Variants in TMEM135 observed in about 807,000 individuals in gnomAD.
The protein encoded by TMEM135 is transmembrane protein 135, also known as peroxisomal membrane protein 52.
TMEM135 carries 30 observed loss-of-function variants against 60.3 expected under a neutral mutation model. The observed-to-expected ratio is 0.50, with a 90% CI of 0.37 to 0.68. The LOEUF (loss-of-function observed/expected upper bound fraction) is 0.68. Ranked by LOEUF, TMEM135 falls within the 30% of genes least tolerant of loss-of-function variation. TMEM135 has a pLI of 0.00. For missense variants in TMEM135, 468 were observed against 548.8 expected (o/e 0.85, Z 1.47); for synonymous variants, 190 against 186.7 (o/e 1.02, Z -0.14).
Position 87,056,199 on chromosome 11 carries a change from G to A in TMEM135, c.142-11495G>A, listed in dbSNP as rs141346543. 4.3e-3 allele frequency among the ~76,000 whole-genome samples: 655 copies of A among 152,296 alleles called. 7 individuals are homozygous for A. The highest frequency in any genetic ancestry group is 0.015 in the African/African-American group (627 of 41,556). On this transcript the variant is annotated intron_variant, in intron 1 of 14. Coordinates refer to ENST00000305494, the MANE Select transcript of TMEM135 (RefSeq NM_022918.4). ...GATATCTGGCCACTACCAAGTCTGGGTCTGTTTTAGTAAACGTTATTAATT... is the reference window on the plus strand; with the variant it reads ...GATATCTGGCCACTACCAAGTCTGGATCTGTTTTAGTAAACGTTATTAATT...
intron 5 of TMEM135, among the ~76,000 whole-genome samples, chr11:87,227,939 C>T (rs1292662177): frequency 6.6e-6 from 1 of 152,112 alleles, no homozygotes; most frequent in South Asian, 2.1e-4. Flanking sequence ...CTCTTATTAT[C>T]AATAACGTAT....
chr11:87,183,817 G>T (rs1477051716), intron 5 of TMEM135, among the ~76,000 whole-genome samples: 1 of 151,940 alleles, frequency 6.6e-6, no homozygotes, highest in African/African-American at 2.4e-5. Context: ...TTAGCTGGGC[G>T]TGGTGGCGGG....
In TMEM135 at chr11:87,326,313, A is replaced by G. The variant is rs1412051706; in HGVS notation, c.*4980A>G. The G allele has an allele frequency of 2.2e-6, 1 of 453,920 alleles. No homozygotes were observed. Among genetic ancestry groups the G allele is most frequent in the African/African-American group, 2.0e-5 (1 of 49,982 alleles). The allele number at this position is 453,920 out of a possible 1,614,324, so 28.1% of individuals were successfully genotyped here. ...AGGCTTCCATAAAGTAGACCTGTAG[A>G]CCTATGTTGGCTGAGGTCACCCTGC... On this transcript the variant is annotated 3_prime_UTR_variant, in exon 15 of 15. Coordinates refer to ENST00000305494, the MANE Select transcript of TMEM135 (RefSeq NM_022918.4).
At chr11:87,053,875 A>G (rs1435649777) in intron 1 of TMEM135, among the ~76,000 whole-genome samples, 1 of 152,134 alleles carries the variant, frequency 6.6e-6, no homozygotes, top group Non-Finnish European at 1.5e-5. Flanking sequence ...CTACTCATTG[A>G]TATGCTCTTA....
At chr11:87,187,912 A>T (rs529817460) in intron 5 of TMEM135, among the ~76,000 whole-genome samples, 1 of 152,198 alleles carries the variant, frequency 6.6e-6, no homozygotes, top group African/African-American at 2.4e-5. Context: ...AGTCTTTCAA[A>T]ATTAAATCTT....
chr11:87,317,562 T>A (rs962892947), intron 12 of TMEM135, among the ~76,000 whole-genome samples: 9 of 152,128 alleles, frequency 5.9e-5, no homozygotes, highest in Admixed American at 2.0e-4. Flanking sequence ...TGGTAGCTTA[T>A]ATAGATCTTG....
rs1011258140 is a variant in TMEM135 at position 87,245,910 on chromosome 11, A to C, written c.509+9226A>C. On this transcript the variant is annotated intron_variant, in intron 6 of 14. Coordinates refer to ENST00000305494, the MANE Select transcript of TMEM135 (RefSeq NM_022918.4). ...CCTGTCATTATGATGTTAGCTGGTTATTTTGCTCGTTAGTTGTTGCAATTT... is the reference window on the plus strand; with the variant it reads ...CCTGTCATTATGATGTTAGCTGGTTCTTTTGCTCGTTAGTTGTTGCAATTT... 8.7e-5 allele frequency among the ~76,000 whole-genome samples: 7 copies of C among 80,794 alleles called. 2 individuals are homozygous for C. The East Asian group carries it at 1.1e-3, about 13-fold the overall frequency. 53.0% of individuals were successfully genotyped at this position (80,794 alleles called of 152,430 possible). A position where few individuals can be genotyped will look rare whatever the true frequency, so the allele number is the denominator to read the frequency against.
At chr11:87,089,561 A>G (rs1427278349) in intron 3 of TMEM135, among the ~76,000 whole-genome samples, 1 of 124,884 alleles carries the variant, frequency 8.0e-6, no homozygotes, top group Non-Finnish European at 1.8e-5. Flanking sequence ...AAAGAAAAAG[A>G]AAAAAAAATT....
intron 5 of TMEM135, among the ~76,000 whole-genome samples, chr11:87,192,089 C>T (rs1186491039): frequency 6.8e-6 from 1 of 146,938 alleles, no homozygotes; most frequent in African/African-American, 2.5e-5. Flanking sequence ...TCAAGCGATC[C>T]CCCTGCCTCA....
chr11:87,160,758 AG>A (rs1938848475), intron 5 of TMEM135, among the ~76,000 whole-genome samples: 1 of 152,234 alleles, frequency 6.6e-6, no homozygotes, highest in African/African-American at 2.4e-5. Flanking sequence ...TAAAATGAAT[AG>A]GAAAAAAATA....
intron 1 of TMEM135, among the ~76,000 whole-genome samples, chr11:87,060,410 T>A (rs12289216): frequency 0.15 from 22,351 of 152,154 alleles, 1,744 homozygotes; most frequent in Non-Finnish European, 0.17. Context: ...AGTTTCCCTA[T>A]GTTTTTGTGT....
In TMEM135 at chr11:87,038,175, C is replaced by T. The variant is rs981325152; in HGVS notation, c.130C>T (p.Pro44Ser). The change falls in exon 1 of 15, where the codon CCT becomes TCT. Residue 44 changes from proline (P) to serine (S), a missense_variant. Coordinates refer to ENST00000305494, the MANE Select transcript of TMEM135 (RefSeq NM_022918.4). ...ALEESLKIYA[P>S]LYLIAAILRK... ...GGAGGAGTCCCTGAAGATCTATGCT[C>T]CTCTGTACTTGGTGAGACCCGTCAC... 1.9e-6 allele frequency: 3 copies of T among 1,614,094 alleles called. No individual in the cohort carries two copies. The highest frequency in any genetic ancestry group is 2.5e-6 in the Non-Finnish European group (3 of 1,180,022).
intron 12 of TMEM135, 40 bp from the exon 13 acceptor site, chr11:87,318,097 G>C (rs1942761937): frequency 6.5e-7 from 1 of 1,528,220 alleles, no homozygotes; most frequent in African/African-American, 1.4e-5. Context: ...TAATGCTGAG[G>C]TTTTTTCTTT....
At chr11:87,089,803 G>T (rs1857168802) in intron 3 of TMEM135, among the ~76,000 whole-genome samples, 1 of 151,828 alleles carries the variant, frequency 6.6e-6, no homozygotes, top group African/African-American at 2.4e-5. Flanking sequence ...TTTAGAATTT[G>T]GTGGGAACTA....
At chr11:87,248,493 A>G (rs1941341523) in intron 6 of TMEM135, among the ~76,000 whole-genome samples, 2 of 152,252 alleles carry the variant, frequency 1.3e-5, no homozygotes, top group Admixed American at 1.3e-4. Context: ...TGCCATTTGT[A>G]TGTCTTCTTT....
chr11:87,097,836 G>A (rs1857365641), intron 4 of TMEM135, among the ~76,000 whole-genome samples: 1 of 152,142 alleles, frequency 6.6e-6, no homozygotes, highest in Admixed American at 6.6e-5. Context: ...ACTGTTGTGA[G>A]GCCTTCCACA....
At chr11:87,133,101 G>T (rs1350325647) in intron 4 of TMEM135, among the ~76,000 whole-genome samples, 1 of 152,188 alleles carries the variant, frequency 6.6e-6, no homozygotes. Flanking sequence ...ATCCTGAGGT[G>T]AGAGGGGGCA....
At chr11:87,064,703 C>T (rs187747770) in intron 1 of TMEM135, among the ~76,000 whole-genome samples, 51 of 152,194 alleles carry the variant, frequency 3.4e-4, no homozygotes, top group African/African-American at 1.1e-3. Flanking sequence ...ACCAACATGG[C>T]GAAGCCCCAT....
At chr11:87,255,582 G>A (rs1357507395) in intron 6 of TMEM135, among the ~76,000 whole-genome samples, 1 of 152,074 alleles carries the variant, frequency 6.6e-6, no homozygotes, top group African/African-American at 2.4e-5. Flanking sequence ...GGGCTGTAGT[G>A]CGCTACGATT....
Sources: allele counts gnomAD v4.1 joint callset (sites outside exome capture counted in the v4.1 genomes callset), GRCh38; gene constraint gnomAD v4.1.1; transcripts MANE v1.5; gene names NCBI Gene and HGNC (gene_info 2026-07-23, HGNC 2026-07-21).